THSD4: variants seen among roughly 807,000 people sequenced by gnomAD.
The protein encoded by THSD4 is thrombospondin type 1 domain containing 4, also known as thrombospondin type-1 domain-containing protein 4.
In THSD4, 69 loss-of-function variants were observed where a neutral mutation model predicts 119.0. The ratio of observed to expected loss-of-function variants is 0.58; its 90% CI spans 0.48 to 0.71. THSD4 has a LOEUF of 0.71. Ranked by LOEUF, THSD4 falls within the 30% of genes least tolerant of loss-of-function variation. The probability of loss-of-function intolerance (pLI) is 0.00; values close to 1 mark genes in which losing one functional copy is unlikely to be tolerated. For missense variants in THSD4, 1,393 were observed against 1,391.1 expected (o/e 1.00, Z -0.02); for synonymous variants, 524 against 540.4 (o/e 0.97, Z 0.42).
At chr15:71,475,649 G>T (rs183418241) in intron 7 of THSD4, among the ~76,000 whole-genome samples, 2 of 152,206 alleles carry the variant, frequency 1.3e-5, no homozygotes, top group East Asian at 3.9e-4. Context: ...GCGGCCAGGC[G>T]TGGTGGCTCA....
intron 6 of THSD4, among the ~76,000 whole-genome samples, chr15:71,264,156 A>G (rs972438701): frequency 6.6e-5 from 10 of 152,210 alleles, no homozygotes; most frequent in African/African-American, 2.4e-4. Context: ...GAACTGTAAG[A>G]TATGAGGGAG....
chr15:71,610,259 A>G (rs771791851), intron 7 of THSD4, among the ~76,000 whole-genome samples: 17 of 152,190 alleles, frequency 1.1e-4, no homozygotes, highest in Non-Finnish European at 2.2e-4. Context: ...GAGATGTGTC[A>G]TGCCCACTAC....
At chr15:71,391,462 A>T (rs2046378894) in intron 6 of THSD4, among the ~76,000 whole-genome samples, 1 of 152,172 alleles carries the variant, frequency 6.6e-6, no homozygotes, top group Non-Finnish European at 1.5e-5. Flanking sequence ...TATAGGTGTG[A>T]GCCACTGCAC....
chr15:71,142,198 C>G (rs1380132371), intron 2 of THSD4, among the ~76,000 whole-genome samples: 3 of 152,088 alleles, frequency 2.0e-5, no homozygotes, highest in African/African-American at 7.2e-5. Context: ...TGACTTTCAC[C>G]TGCGTTTTAA....
At chr15:71,238,273 C>A (rs1209616865) in intron 4 of THSD4, among the ~76,000 whole-genome samples, 1 of 152,066 alleles carries the variant, frequency 6.6e-6, no homozygotes, top group Admixed American at 6.5e-5. Flanking sequence ...TTACAACATC[C>A]TTGTAAGTAA....
chr15:71,685,909 A>T (rs1193295846), intron 8 of THSD4, among the ~76,000 whole-genome samples: 1 of 152,196 alleles, frequency 6.6e-6, no homozygotes, highest in Non-Finnish European at 1.5e-5. Context: ...GATCTTAAGG[A>T]CCATACTTTC....
intron 6 of THSD4, among the ~76,000 whole-genome samples, chr15:71,367,288 A>G (rs1373207242): frequency 6.6e-6 from 1 of 151,556 alleles, no homozygotes; most frequent in African/African-American, 2.4e-5. Flanking sequence ...CCACTATGCC[A>G]TTCTTTTTTT....
intron 7 of THSD4, among the ~76,000 whole-genome samples, chr15:71,561,362 G>A (rs1193652419): frequency 2.6e-5 from 4 of 152,134 alleles, no homozygotes; most frequent in Non-Finnish European, 5.9e-5. Flanking sequence ...TGTTTGGTAT[G>A]AGAATATGCT....
At chr15:71,560,044 T>G (rs1273687687) in intron 7 of THSD4, among the ~76,000 whole-genome samples, 1 of 152,208 alleles carries the variant, frequency 6.6e-6, no homozygotes, top group African/African-American at 2.4e-5. Context: ...CATACTCAAT[T>G]AGGCATTTCT....
At chr15:71,191,784 C>A (rs1298812474) in intron 3 of THSD4, among the ~76,000 whole-genome samples, 1 of 152,168 alleles carries the variant, frequency 6.6e-6, no homozygotes, top group Non-Finnish European at 1.5e-5. Flanking sequence ...AACCGGTTTA[C>A]TCCCAGGTCT....
At chr15:71,176,192 C>T (rs2043449155) in intron 3 of THSD4, among the ~76,000 whole-genome samples, 1 of 138,106 alleles carries the variant, frequency 7.2e-6, no homozygotes, top group African/African-American at 2.8e-5. Context: ...CACAGACTGG[C>T]AAGTTGGATA....
chr15:71,404,263 C>A (rs1251431893), intron 6 of THSD4, among the ~76,000 whole-genome samples: 2 of 152,232 alleles, frequency 1.3e-5, no homozygotes, highest in East Asian at 3.9e-4. Context: ...TCTCTTCAGG[C>A]CCTGGCAACC....
intron 7 of THSD4, among the ~76,000 whole-genome samples, chr15:71,621,608 A>G (rs1203413587): frequency 6.6e-6 from 1 of 152,240 alleles, no homozygotes; most frequent in Non-Finnish European, 1.5e-5. Context: ...AACTGTTACT[A>G]TAGCTATCAT....
intron 3 of THSD4, among the ~76,000 whole-genome samples, chr15:71,182,564 G>GT (rs1454053687): frequency 6.6e-6 from 1 of 151,722 alleles, no homozygotes; most frequent in Non-Finnish European, 1.5e-5. Context: ...ATAAAAAGGT[G>GT]TTTTTTAAAT....
chr15:71,563,264 C>T (rs1465937985), intron 7 of THSD4, among the ~76,000 whole-genome samples: 1 of 152,122 alleles, frequency 6.6e-6, no homozygotes, highest in Non-Finnish European at 1.5e-5. Flanking sequence ...AGGCAAGAGG[C>T]ATGGTGGAGT....
intron 8 of THSD4, among the ~76,000 whole-genome samples, chr15:71,726,892 G>T (rs2052850625): frequency 1.3e-5 from 2 of 151,114 alleles, no homozygotes; most frequent in African/African-American, 2.4e-5. Context: ...AGACGAGATC[G>T]CACCATTGCA....
chr15:71,583,317 C>A (rs1345658934), intron 7 of THSD4, among the ~76,000 whole-genome samples: 1 of 152,058 alleles, frequency 6.6e-6, no homozygotes, highest in South Asian at 2.1e-4. Context: ...TATAGTCTAG[C>A]TAAAGGTTTG....
intron 7 of THSD4, among the ~76,000 whole-genome samples, chr15:71,467,703 C>A (rs1011744919): frequency 6.6e-6 from 1 of 152,082 alleles, no homozygotes; most frequent in African/African-American, 2.4e-5. Flanking sequence ...GGCTGTGTCC[C>A]CACCCAAATC....
intron 6 of THSD4, among the ~76,000 whole-genome samples, chr15:71,284,134 G>C (rs2044687263): frequency 6.6e-6 from 1 of 152,164 alleles, no homozygotes; most frequent in South Asian, 2.1e-4. Flanking sequence ...TACAAAGAAA[G>C]ACTAGAGATG....
Sources: allele counts gnomAD v4.1 joint callset (sites outside exome capture counted in the v4.1 genomes callset), GRCh38; gene constraint gnomAD v4.1.1; transcripts MANE v1.5; gene names NCBI Gene and HGNC (gene_info 2026-07-23, HGNC 2026-07-21).